RIOK2: variants seen among roughly 807,000 people sequenced by gnomAD.
RIOK2 encodes serine/threonine-protein kinase RIO2.
RIOK2 carries 46 observed loss-of-function variants against 62.4 expected under a neutral mutation model. The observed-to-expected ratio is 0.74, with a 90% CI of 0.58 to 0.94. The LOEUF is 0.94. Among genes scored for constraint, RIOK2 ranks in the 40% least tolerant of loss-of-function variants. The pLI, the probability that RIOK2 is intolerant of heterozygous loss-of-function variation, is 0.00. For missense variants in RIOK2, 574 were observed against 658.0 expected (o/e 0.87, Z 1.40); for synonymous variants, 197 against 216.0 (o/e 0.91, Z 0.77).
rs1463939182 is a variant in RIOK2 at position 97,162,493 on chromosome 5, T to C, written c.*568A>G. ...GTAGACTATCTCAAGTAAGTTTCCATTCTCATGACCACATTACCAATGTAA... is the reference window on the plus strand; with the variant it reads ...GTAGACTATCTCAAGTAAGTTTCCACTCTCATGACCACATTACCAATGTAA... On this transcript the variant is annotated 3_prime_UTR_variant, in exon 10 of 10. Coordinates refer to ENST00000283109, the MANE Select transcript of RIOK2 (RefSeq NM_018343.3). 1 of 152,470 alleles carries C rather than the reference T, an allele frequency of 6.6e-6. No individual in the cohort carries two copies. The highest frequency in any genetic ancestry group is 2.4e-5 in the African/African-American group (1 of 41,454). The allele number at this position is 152,470 out of a possible 1,614,324, so 9.4% of individuals were successfully genotyped here.
chr5:97,174,250 T>G (rs1749100288), intron 4 of RIOK2, among the ~76,000 whole-genome samples: 1 of 152,062 alleles, frequency 6.6e-6, no homozygotes, highest in Admixed American at 6.6e-5. Flanking sequence ...AAACCCCATC[T>G]CTACTAAAAA....
At position 97,167,927 on chromosome 5, in the gene RIOK2, C is replaced by G; in HGVS notation, c.937G>C (p.Asp313His). 2 of 1,608,888 alleles carry G rather than the reference C, an allele frequency of 1.2e-6. No individual in the cohort carries two copies. Among genetic ancestry groups the G allele is most frequent in the Non-Finnish European group, 1.7e-6 (2 of 1,179,896 alleles). The change falls in exon 8 of 10, where the codon GAT becomes CAT. Residue 313 changes from aspartate (D) to histidine (H), a missense_variant. Coordinates refer to ENST00000283109, the MANE Select transcript of RIOK2 (RefSeq NM_018343.3). ...GGACCTAATGGATGAAGCAGTTCATCATCTGCCTGCATTTCCTTTGTGTAG... is the reference window on the plus strand; with the variant it reads ...GGACCTAATGGATGAAGCAGTTCATGATCTGCCTGCATTTCCTTTGTGTAG... ...SGYTKEMQAD[D>H]ELLHPLGPDD... is the part of the protein sequence containing the mutation.
rs190707811 is a variant in RIOK2 at position 97,164,487 on chromosome 5, G to A, written c.1494+564C>T. ...CTGCACTCTAGCCTGGATGACCTCCGGCCTGGATGACAAGAGCAAAACTCC... is the reference window on the plus strand; with the variant it reads ...CTGCACTCTAGCCTGGATGACCTCCAGCCTGGATGACAAGAGCAAAACTCC... On this transcript the variant is annotated intron_variant, in intron 9 of 9. Transcript: ENST00000283109. Among the ~76,000 whole-genome samples, 194 of 151,522 alleles carry A rather than the reference G, an allele frequency of 1.3e-3. 1 individual carries two copies. The highest frequency in any genetic ancestry group is 1.9e-3 in the Non-Finnish European group (127 of 67,850).
In RIOK2 at chr5:97,177,221, C is replaced by A; in HGVS notation, c.393G>T (p.Ser131=). 2 of 1,613,650 alleles carry A rather than the reference C, an allele frequency of 1.2e-6. No homozygotes were observed. Among genetic ancestry groups the A allele is most frequent in the Non-Finnish European group, 1.7e-6 (2 of 1,179,812 alleles). ...ALKLHRLGRT[S]FRNLKNKRDY... The stretch of plus-strand genomic sequence containing the variant: ...CGCGTTTGTTTTTCAAATTTCGAAA[C>A]GAGGTTCTTCCTAGTCTGTGAAGCT... Residue 131 remains serine, a synonymous_variant, in exon 4 of 10, where the codon TCG becomes TCT. Transcript: ENST00000283109.
intron 9 of RIOK2, among the ~76,000 whole-genome samples, chr5:97,164,180 T>A (rs1056963648): frequency 2.0e-4 from 30 of 151,912 alleles, no homozygotes; most frequent in Admixed American, 1.1e-3. Flanking sequence ...TCTGAGCCAC[T>A]ATGCCCGGCC....
At chr5:97,179,018 A>T (rs754896866) in intron 2 of RIOK2, 37 bp downstream of exon 2, 18 of 1,612,568 alleles carry the variant, frequency 1.1e-5, no homozygotes, top group Middle Eastern at 1.6e-4. Context: ...GAAACCAATT[A>T]CCTGAAAAAT....
chr5:97,180,692 C>T (rs2548411), intron 1 of RIOK2, among the ~76,000 whole-genome samples: 142,083 of 152,084 alleles, frequency 0.93, 66,439 homozygotes, highest in Middle Eastern at 0.99. Context: ...GGGGGTACTC[C>T]GGAGAACTAA....
At chr5:97,180,162 G>GTATATA (rs1749365102) in intron 1 of RIOK2, among the ~76,000 whole-genome samples, 1 of 66,106 alleles carries the variant, frequency 1.5e-5, no homozygotes, top group African/African-American at 5.6e-5. Flanking sequence ...ATATATATAT[G>GTATATA]TGCTTTTTAC....
chr5:97,180,158 A>ATGTATATATATG (rs1749364036), intron 1 of RIOK2, among the ~76,000 whole-genome samples: 1 of 125,288 alleles, frequency 8.0e-6, no homozygotes, highest in Admixed American at 8.7e-5. Flanking sequence ...ATATATATAT[A>ATGTATATATATG]TATGTGCTTT....
At chr5:97,173,351 G>A (rs316194) in intron 4 of RIOK2, 88 bp from the exon 5 acceptor site, 280,330 of 746,328 alleles carry the variant, frequency 0.38, 54,176 homozygotes, top group East Asian at 0.41. Context: ...TCTACAACCA[G>A]AAAAAAAACA....
Position 97,161,331 on chromosome 5 carries a change from A to G in RIOK2, c.*1730T>C, listed in dbSNP as rs1748691035. The G allele has an allele frequency of 6.6e-6, 1 of 152,242 alleles. No homozygotes were observed. Among genetic ancestry groups the G allele is most frequent in the Admixed American group, 6.5e-5 (1 of 15,286 alleles). The allele number at this position is 152,242 out of a possible 1,614,324, so 9.4% of individuals were successfully genotyped here. On this transcript the variant is annotated 3_prime_UTR_variant, in exon 10 of 10. Coordinates refer to ENST00000283109, the MANE Select transcript of RIOK2 (RefSeq NM_018343.3). ...AATTTGTTTTTGTTCATTGTTCACT[A>G]TGCATGTTTTAAAATGTGAGGGTTA... is the stretch of plus-strand genomic sequence containing the variant.
intron 8 of RIOK2, chr5:97,166,660 G>A: frequency 1.6e-6 from 1 of 633,224 alleles, no homozygotes. Context: ...ATTATTAAAA[G>A]AAAACATAAT....
chr5:97,167,212 G>A, intron 8 of RIOK2: 3 of 1,365,288 alleles, frequency 2.2e-6, no homozygotes, highest in Non-Finnish European at 2.8e-6. Context: ...GCGAGCCACT[G>A]TGCCCAGCCA....
chr5:97,181,441 G>A (rs548249506), intron 1 of RIOK2, among the ~76,000 whole-genome samples: 2 of 152,214 alleles, frequency 1.3e-5, no homozygotes, highest in Admixed American at 6.5e-5. Flanking sequence ...AGGAATGTTT[G>A]GGAGCAGAAT....
At chr5:97,180,674 A>G (rs895713250) in intron 1 of RIOK2, among the ~76,000 whole-genome samples, 1 of 152,158 alleles carries the variant, frequency 6.6e-6, no homozygotes, top group African/African-American at 2.4e-5. Flanking sequence ...AGAGATGGCA[A>G]AATCTGAGGG....
chr5:97,167,463 A>T lies in RIOK2; in HGVS notation c.1397+4T>A. ...GTTAAAAAGCAATCGACAGAAGTCT[A>T]TACCTGAAAGGCCTGAATTCTCTAT... is the stretch of plus-strand genomic sequence containing the variant. On this transcript the variant is annotated splice_donor_region_variant and intron_variant, in intron 8 of 9. Coordinates refer to ENST00000283109, the MANE Select transcript of RIOK2 (RefSeq NM_018343.3). The T allele has an allele frequency of 6.2e-7, 1 of 1,613,204 alleles. No homozygotes were observed. Among genetic ancestry groups the T allele is most frequent in the Non-Finnish European group, 8.5e-7 (1 of 1,179,604 alleles).
rs143743417 is a variant in RIOK2 at position 97,161,126 on chromosome 5, C to G, written c.*1935G>C. 1.5e-5 allele frequency: 1 copy of G among 68,650 alleles called. No individual in the cohort carries two copies. 4.3% of individuals were successfully genotyped at this position (68,650 alleles called of 1,614,324 possible). A position where few individuals can be genotyped will look rare whatever the true frequency, so the allele number is the denominator to read the frequency against. ...CAAGTGGTACTTCATTTAGTCTTCA[C>G]GACACTGAGGTATACTATTAAATGT... On this transcript the variant is annotated 3_prime_UTR_variant, in exon 10 of 10. Transcript: ENST00000283109.
intron 1 of RIOK2, among the ~76,000 whole-genome samples, chr5:97,179,992 A>AAT (rs1480067814): frequency 2.1e-4 from 7 of 32,566 alleles, no homozygotes; most frequent in African/African-American, 5.0e-4. Context: ...ATATATATAA[A>AAT]ATATATATAT....
chr5:97,177,389 C>T, intron 3 of RIOK2, 98 bp from the exon 4 acceptor site: 1 of 1,169,866 alleles, frequency 8.5e-7, no homozygotes, highest in Middle Eastern at 2.9e-4. Context: ...TCAAAAATGT[C>T]ATTTTTCCTA....
Sources: gnomAD v4.1 joint callset for allele counts (sites outside exome capture counted in the v4.1 genomes callset) on GRCh38, gnomAD v4.1.1 for gene constraint, MANE v1.5 for transcripts, NCBI Gene and HGNC (gene_info 2026-07-23, HGNC 2026-07-21) for gene names.